RPGRIP1: variants seen among roughly 807,000 people sequenced by gnomAD.
RPGRIP1 encodes the protein RPGR interacting protein 1, also known as X-linked retinitis pigmentosa GTPase regulator-interacting protein 1.
RPGRIP1 carries 128 observed loss-of-function variants against 157.9 expected under a neutral mutation model. The observed-to-expected ratio is 0.81, with a 90% confidence interval of 0.70 to 0.94. The LOEUF is 0.94. Among genes scored for constraint, RPGRIP1 ranks in the 40% least tolerant of loss-of-function variants. The probability of loss-of-function intolerance (pLI) is 0.00; values close to 1 mark genes in which losing one functional copy is unlikely to be tolerated. For synonymous variants in RPGRIP1, 554 were observed against 571.6 expected, an observed-to-expected ratio of 0.97 and a Z score of 0.44; for missense variants, 1,486 against 1,545.8, an observed-to-expected ratio of 0.96 and a Z score of 0.65.
chr14:21,298,116 C>T (rs1273107917), intron 3 of RPGRIP1, among the ~76,000 whole-genome samples: 1 of 152,006 alleles, frequency 6.6e-6, no homozygotes, highest in Non-Finnish European at 1.5e-5. Context: ...TGTCTGTAAG[C>T]AGACAAAATT....
At chr14:21,300,824 G>A (rs2139156112) in intron 3 of RPGRIP1, 142 bp from the exon 4 acceptor site, 1 of 952,834 alleles carries the variant, frequency 1.0e-6, no homozygotes, top group Non-Finnish European at 1.5e-6. Context: ...GGGGACAGAA[G>A]GCTAATCTTT....
At chr14:21,310,659 C>T in intron 8 of RPGRIP1, 52 bp downstream of exon 8, 1 of 1,052,020 alleles carries the variant, frequency 9.5e-7, no homozygotes, top group Non-Finnish European at 1.4e-6. Context: ...ATAATCAAAC[C>T]CAAAGAAATC....
intron 20 of RPGRIP1, among the ~76,000 whole-genome samples, chr14:21,333,980 T>A (rs1476225535): frequency 6.7e-6 from 1 of 148,732 alleles, no homozygotes; most frequent in Non-Finnish European, 1.5e-5. Flanking sequence ...TGGAGTGCAG[T>A]GGCTCGATCT....
chr14:21,317,779 AGCTGC>A lies in RPGRIP1; in HGVS notation c.1236_1240del (p.Leu413GlyfsTer6). On this transcript the variant is annotated frameshift_variant, in exon 11 of 25. Coordinates refer to ENST00000400017, the MANE Select transcript of RPGRIP1 (RefSeq NM_020366.4). LOFTEE classifies it high-confidence loss of function. ...GAACAGCTACAGCAGCAAGTCTCTC[AGCTGC>A]AGGATCAGCTGGATGCTGAGCTGGA... The A allele has an allele frequency of 6.2e-7, 1 of 1,601,144 alleles. No individual in the cohort carries two copies. Among genetic ancestry groups the A allele is most frequent in the Middle Eastern group, 1.7e-4 (1 of 6,052 alleles).
chr14:21,320,724 C>T (rs1002956075), intron 12 of RPGRIP1, among the ~76,000 whole-genome samples: 2 of 151,718 alleles, frequency 1.3e-5, no homozygotes, highest in Admixed American at 6.6e-5. Flanking sequence ...CTCAGCCTCC[C>T]GAGTAGCTGG....
At chr14:21,313,328 C>T (rs1008556150) in intron 10 of RPGRIP1, among the ~76,000 whole-genome samples, 6 of 141,446 alleles carry the variant, frequency 4.2e-5, no homozygotes, top group Non-Finnish European at 7.6e-5. Context: ...ATAGTGAGAC[C>T]CTGTTCTCCA....
chr14:21,343,782 A>G (rs1885260791), intron 22 of RPGRIP1, among the ~76,000 whole-genome samples: 3 of 150,686 alleles, frequency 2.0e-5, no homozygotes, highest in Non-Finnish European at 4.4e-5. Flanking sequence ...GTGAGCCACC[A>G]AGCCCATCCT....
chr14:21,319,967 T>A (rs1882216402), intron 11 of RPGRIP1, 50 bp from the exon 12 acceptor site: 6 of 1,522,290 alleles, frequency 3.9e-6, no homozygotes, highest in Non-Finnish European at 5.4e-6. Flanking sequence ...ACTCTGACCA[T>A]GGTGATAAAT....
intron 21 of RPGRIP1, among the ~76,000 whole-genome samples, chr14:21,336,143 G>T (rs868231057): frequency 1.3e-5 from 2 of 152,178 alleles, no homozygotes. Flanking sequence ...TTCCTTGAAA[G>T]CTGGAACATG....
chr14:21,282,903 C>T (rs1880183193), intron 1 of RPGRIP1, among the ~76,000 whole-genome samples: 1 of 152,172 alleles, frequency 6.6e-6, no homozygotes. Flanking sequence ...AGCCACTGTG[C>T]CCGGCCTACA....
chr14:21,314,873 A>C (rs1419588760), intron 10 of RPGRIP1, among the ~76,000 whole-genome samples: 1 of 152,044 alleles, frequency 6.6e-6, no homozygotes, highest in Non-Finnish European at 1.5e-5. Context: ...AATACAAAAA[A>C]TTAGCTGGGC....
At position 21,304,424 on chromosome 14, in the gene RPGRIP1, A is replaced by AAAGAAAGAAAGAAAGAAAGG. The variant is rs1566673313; in HGVS notation, c.800+900_800+901insGAAGAAAGAAAGAAAGAAAG. 1.2e-4 allele frequency among the ~76,000 whole-genome samples: 18 copies of AAAGAAAGAAAGAAAGAAAGG among 151,398 alleles called. No homozygotes were observed. The East Asian group carries it at 2.1e-3, about 18-fold the overall frequency. On this transcript the variant is annotated intron_variant, in intron 6 of 24. Transcript: ENST00000400017. Reference sequence around the variant, plus strand: ...GAAAGAAAGAAAGAAAGAAAGAAAGAAAGAAAGAAAGAAAGAAAGAAATTA... The same window carrying AAAGAAAGAAAGAAAGAAAGG: ...GAAAGAAAGAAAGAAAGAAAGAAAGAAAGAAAGAAAGAAAGAAAGGAAGAAAGAAAGAAAGAAAGAAATTA...
intron 2 of RPGRIP1, 120 bp from the exon 3 acceptor site, chr14:21,294,557 C>T (rs1478518739): frequency 9.9e-7 from 1 of 1,007,938 alleles, no homozygotes; most frequent in Non-Finnish European, 1.5e-6. Context: ...TCCTGATTTC[C>T]TCATAAATAC....
chr14:21,350,997 T>C (rs776010960), intron 24 of RPGRIP1, 107 bp from the exon 25 acceptor site: 121 of 623,906 alleles, frequency 1.9e-4, no homozygotes, highest in Non-Finnish European at 3.3e-4. Context: ...AGTCCTCTTA[T>C]GAAATGGGTA....
At chr14:21,339,395 G>A (rs1397815766) in intron 21 of RPGRIP1, among the ~76,000 whole-genome samples, 3 of 151,304 alleles carry the variant, frequency 2.0e-5, no homozygotes, top group Non-Finnish European at 2.9e-5. Context: ...GCAGTGAGCC[G>A]AGATGGTTCC....
At chr14:21,348,983 TTAAC>T (rs930023039) in intron 24 of RPGRIP1, among the ~76,000 whole-genome samples, 2 of 151,936 alleles carry the variant, frequency 1.3e-5, no homozygotes, top group African/African-American at 2.4e-5. Context: ...TAAAAAGACA[TTAAC>T]TGTCTCCTCT....
chr14:21,282,242 AT>A lies in RPGRIP1; in HGVS notation c.-39+2096del, dbSNP rs113876880. Among the ~76,000 whole-genome samples the A allele has an allele frequency of 7.0e-3, 1,037 of 147,726 alleles. 7 individuals carry two copies. Among genetic ancestry groups the A allele is most frequent in the African/African-American group, 0.022 (890 of 40,642 alleles). On this transcript the variant is annotated intron_variant, in intron 1 of 24. Transcript: ENST00000400017. Reference sequence around the variant, plus strand: ...CAATTCTGAATATCACTGCAAGGAAATTTTTTTTTTTTTAAGACGGAGTCTT... The same window carrying A: ...CAATTCTGAATATCACTGCAAGGAAATTTTTTTTTTTTAAGACGGAGTCTT...
In RPGRIP1 at chr14:21,295,444, C is replaced by CATTT. The variant is rs149841857; in HGVS notation, c.218+660_218+663dup. Among the ~76,000 whole-genome samples, 760 of 145,942 alleles carry CATTT rather than the reference C, an allele frequency of 5.2e-3. 1 individual carries two copies. The highest frequency in any genetic ancestry group is 8.1e-3 in the Non-Finnish European group (541 of 67,178). On this transcript the variant is annotated intron_variant, in intron 3 of 24. Transcript: ENST00000400017. Reference sequence around the variant, plus strand: ...AGGCATGTTGTAAGTGCTATCTATACATTTATTTATTTATTTATTTATTTA... The same window carrying CATTT: ...AGGCATGTTGTAAGTGCTATCTATACATTTATTTATTTATTTATTTATTTATTTA...
intron 6 of RPGRIP1, among the ~76,000 whole-genome samples, chr14:21,305,121 G>A (rs1881245859): frequency 6.6e-6 from 1 of 152,028 alleles, no homozygotes; most frequent in African/African-American, 2.4e-5. Context: ...CATTCTATGG[G>A]TTTTGACAAA....
Sources: allele counts gnomAD v4.1 joint callset (sites outside exome capture counted in the v4.1 genomes callset), GRCh38; gene constraint gnomAD v4.1.1; transcripts MANE v1.5; gene names NCBI Gene and HGNC (gene_info 2026-07-23, HGNC 2026-07-21).